EPHX2: variants seen among roughly 807,000 people sequenced by gnomAD.
EPHX2 encodes epoxide hydrolase 2.
EPHX2 carries 74 observed loss-of-function variants against 78.7 expected under a neutral mutation model. The observed-to-expected ratio is 0.94, with a 90% CI of 0.78 to 1.14. The LOEUF is 1.14. Ranked by LOEUF, EPHX2 falls within the 50% of genes most tolerant of loss-of-function variation. The probability of loss-of-function intolerance (pLI) is 0.00; values close to 1 mark genes in which losing one functional copy is unlikely to be tolerated. For synonymous variants in EPHX2, 251 were observed against 255.2 expected (o/e 0.98, Z 0.16); for missense variants, 715 against 702.5 (o/e 1.02, Z -0.20).
At chr8:27,530,269 A>G (rs2132776799) in intron 12 of EPHX2, among the ~76,000 whole-genome samples, 1 of 152,138 alleles carries the variant, frequency 6.6e-6, no homozygotes, top group Non-Finnish European at 1.5e-5. Flanking sequence ...TACAGAGTTT[A>G]TTTTTTAGGT....
chr8:27,507,016 C>G (rs1474673094), intron 5 of EPHX2, 22 bp downstream of exon 5: 1 of 1,612,136 alleles, frequency 6.2e-7, no homozygotes, highest in Non-Finnish European at 8.5e-7. Context: ...TCTGAGCGAG[C>G]CAAGCTTCCT....
At chr8:27,520,010 T>C (rs997188054) in intron 9 of EPHX2, among the ~76,000 whole-genome samples, 4 of 151,624 alleles carry the variant, frequency 2.6e-5, no homozygotes, top group African/African-American at 7.3e-5. Flanking sequence ...TCTTTTCTTT[T>C]TTTTTTTTTT....
At chr8:27,538,625 C>A (rs1244808592) in intron 13 of EPHX2, 34 bp from the exon 14 acceptor site, 2 of 1,594,374 alleles carry the variant, frequency 1.3e-6, no homozygotes, top group South Asian at 2.2e-5. Context: ...TCACCCATGA[C>A]ATCATTTGTA....
intron 14 of EPHX2, among the ~76,000 whole-genome samples, chr8:27,540,040 T>C (rs766775126): frequency 6.6e-6 from 1 of 152,066 alleles, no homozygotes; most frequent in Non-Finnish European, 1.5e-5. Context: ...GGGTCCACAG[T>C]GGGATACCAC....
At chr8:27,507,123 G>C (rs1415699716) in intron 5 of EPHX2, 129 bp downstream of exon 5, 2 of 1,211,930 alleles carry the variant, frequency 1.7e-6, no homozygotes, top group African/African-American at 3.1e-5. Flanking sequence ...CGCTGGTTGG[G>C]AGTCCATCAC....
chr8:27,493,495 A>C (rs1813461805), intron 1 of EPHX2, among the ~76,000 whole-genome samples: 1 of 152,098 alleles, frequency 6.6e-6, no homozygotes, highest in Admixed American at 6.6e-5. Context: ...ATCCTTTGAG[A>C]GTGTATGGTA....
Position 27,500,768 on chromosome 8 carries a change from C to T in EPHX2, c.102-158C>T, listed in dbSNP as rs186589214. Among the ~76,000 whole-genome samples the T allele has an allele frequency of 1.9e-3, 295 of 152,320 alleles. 1 individual carries two copies. Among genetic ancestry groups the T allele is most frequent in the African/African-American group, 6.7e-3 (278 of 41,570 alleles). On this transcript the variant is annotated intron_variant, in intron 1 of 18. Coordinates refer to ENST00000521400, the MANE Select transcript of EPHX2 (RefSeq NM_001979.6). ...ATGTCCTCAGCTGGATGGCTCCTTG[C>T]GCGCAAAGATCCCAATTTGAACTGC...
intron 10 of EPHX2, among the ~76,000 whole-genome samples, chr8:27,521,648 C>T (rs189039050): frequency 1.1e-3 from 160 of 152,300 alleles, no homozygotes; most frequent in Middle Eastern, 3.4e-3. Context: ...TTCTCAGTTT[C>T]CTGGGATTAG....
At chr8:27,546,882 G>A (rs568168354), downstream of EPHX2, among the ~76,000 whole-genome samples, 85 of 152,292 alleles carry the variant, frequency 5.6e-4, no homozygotes, top group Non-Finnish European at 7.5e-4. Context: ...ATTGGCTCAC[G>A]GTTCTGCAGG....
intron 8 of EPHX2, among the ~76,000 whole-genome samples, chr8:27,517,750 G>C (rs111890012): frequency 3.9e-5 from 6 of 152,288 alleles, no homozygotes; most frequent in African/African-American, 1.4e-4. Flanking sequence ...TGGATGAAAG[G>C]CTTAGATGTA....
At chr8:27,531,478 A>C (rs948406340) in intron 12 of EPHX2, among the ~76,000 whole-genome samples, 7 of 152,182 alleles carry the variant, frequency 4.6e-5, no homozygotes, top group Non-Finnish European at 1.0e-4. Context: ...TTTTGACCTC[A>C]GGGACAACCA....
At chr8:27,538,023 G>C (rs1203784830) in intron 13 of EPHX2, among the ~76,000 whole-genome samples, 1 of 152,166 alleles carries the variant, frequency 6.6e-6, no homozygotes, top group East Asian at 1.9e-4. Context: ...GGCTCACTTT[G>C]TTGTTATTGT....
chr8:27,503,188 C>G (rs1256680621), intron 2 of EPHX2, among the ~76,000 whole-genome samples: 1 of 152,236 alleles, frequency 6.6e-6, no homozygotes, highest in African/African-American at 2.4e-5. Flanking sequence ...CCTAACCAGA[C>G]ACCAAATCTG....
chr8:27,534,877 G>C (rs1264148501), intron 12 of EPHX2, among the ~76,000 whole-genome samples: 2 of 152,192 alleles, frequency 1.3e-5, no homozygotes, highest in African/African-American at 4.8e-5. Flanking sequence ...TTACCCCTTG[G>C]TGGTGGGAAA....
At chr8:27,520,963 A>G (rs1212136027) in intron 10 of EPHX2, 54 bp downstream of exon 10, 14 of 1,610,612 alleles carry the variant, frequency 8.7e-6, no homozygotes, top group Admixed American at 3.3e-5. Context: ...GGGCCTGGGT[A>G]ATTAAAGAAA....
chr8:27,536,478 C>T (rs541090104), intron 12 of EPHX2, among the ~76,000 whole-genome samples: 18 of 152,304 alleles, frequency 1.2e-4, no homozygotes, highest in African/African-American at 4.1e-4. Flanking sequence ...TACCAGCCCC[C>T]TCCCAAGTCC....
Position 27,520,865 on chromosome 8 carries a change from G to A in EPHX2, c.946-18G>A, listed in dbSNP as rs762713482. The A allele has an allele frequency of 1.2e-6, 2 of 1,614,236 alleles. No homozygotes were observed. The highest frequency in any genetic ancestry group is 8.5e-7 in the Non-Finnish European group (1 of 1,180,030). ...GGGTGTGGTTGCTGATTTTGCCTGT[G>A]TGTGTCTTCTTCCTTAGGAGATGGT... On this transcript the variant is annotated intron_variant, in intron 9 of 18. Transcript: ENST00000521400.
chr8:27,499,423 ATG>A (rs762246081), intron 1 of EPHX2, among the ~76,000 whole-genome samples: 1 of 152,208 alleles, frequency 6.6e-6, no homozygotes, highest in South Asian at 2.1e-4. Flanking sequence ...TATTAGGTAT[ATG>A]TCTCCATATA....
intron 2 of EPHX2, among the ~76,000 whole-genome samples, chr8:27,501,329 T>C (rs866226277): frequency 3.7e-5 from 2 of 53,524 alleles, no homozygotes; most frequent in South Asian, 1.2e-3. Context: ...TATATTTTCT[T>C]CTTCTTCTTC....
Sources: gnomAD v4.1 joint callset for allele counts (sites outside exome capture counted in the v4.1 genomes callset) on GRCh38, gnomAD v4.1.1 for gene constraint, MANE v1.5 for transcripts, NCBI Gene and HGNC (gene_info 2026-07-23, HGNC 2026-07-21) for gene names.